ARHGAP44: variants seen among roughly 807,000 people sequenced by gnomAD.
ARHGAP44 encodes Rho GTPase activating protein 44.
Under a neutral mutation model 106.8 loss-of-function variants are expected in ARHGAP44, and 43 were observed. The ratio of observed to expected loss-of-function variants is 0.40; its 90% CI spans 0.32 to 0.52. The LOEUF is 0.52. ARHGAP44 is among the 20% of genes least tolerant of loss of function. The pLI, the probability that ARHGAP44 is intolerant of heterozygous loss-of-function variation, is 0.48. For missense variants in ARHGAP44, 866 were observed against 1,050.5 expected (o/e 0.82, Z 2.43); for synonymous variants, 439 against 410.3 (o/e 1.07, Z -0.85).
chr17:12,980,184 C>T lies in ARHGAP44; in HGVS notation c.1890C>T (p.Pro630=). Residue 630 remains proline, a synonymous_variant, in exon 19 of 21, where the codon CCC becomes CCT. Coordinates refer to ENST00000379672, the MANE Select transcript of ARHGAP44 (RefSeq NM_014859.6). The stretch of plus-strand genomic sequence containing the variant: ...CTGGAGCTCAGCCGGGCGCCAGCCC[C>T]AGCCCCAGCCAGCCGCCTGCAGACC... ...AQPGAQPGAS[P]SPSQPPADQS... The T allele has an allele frequency of 6.2e-7, 1 of 1,613,488 alleles. No individual in the cohort carries two copies. The highest frequency in any genetic ancestry group is 8.5e-7 in the Non-Finnish European group (1 of 1,179,854).
intron 18 of ARHGAP44, among the ~76,000 whole-genome samples, chr17:12,974,519 C>T (rs1212309496): frequency 6.6e-6 from 1 of 152,084 alleles, no homozygotes; most frequent in East Asian, 1.9e-4. Flanking sequence ...TCTTCCCCAG[C>T]ATAACATCGC....
chr17:12,965,706 C>T (rs2039374298), intron 16 of ARHGAP44, among the ~76,000 whole-genome samples: 1 of 152,188 alleles, frequency 6.6e-6, no homozygotes, highest in Non-Finnish European at 1.5e-5. Flanking sequence ...AAGGCACAGA[C>T]CTCCACAGGG....
At chr17:12,903,140 A>AGAGAGAGG (rs1403029479) in intron 3 of ARHGAP44, among the ~76,000 whole-genome samples, 1 of 57,574 alleles carries the variant, frequency 1.7e-5, no homozygotes, top group Non-Finnish European at 3.3e-5. Context: ...AGAGAGAGAG[A>AGAGAGAGG]GTGTGTGTGT....
At chr17:12,962,836 G>A (rs2039295364) in intron 16 of ARHGAP44, among the ~76,000 whole-genome samples, 1 of 151,994 alleles carries the variant, frequency 6.6e-6, no homozygotes, top group Non-Finnish European at 1.5e-5. Flanking sequence ...ACCTGAGGCC[G>A]AGAGTTCAAG....
chr17:12,973,646 G>T (rs1282405967), intron 17 of ARHGAP44: 3 of 487,922 alleles, frequency 6.1e-6, no homozygotes, highest in Non-Finnish European at 1.1e-5. Flanking sequence ...TCAGTTCCAC[G>T]CTCCCCCCTT....
At chr17:12,988,502 A>G (rs2143483009) in intron 20 of ARHGAP44, 1 of 152,306 alleles carries the variant, frequency 6.6e-6, no homozygotes, top group Non-Finnish European at 1.5e-5. Flanking sequence ...CCTGCTTCAG[A>G]GGAACAAGTG....
intron 1 of ARHGAP44, among the ~76,000 whole-genome samples, chr17:12,861,656 T>TTTTTTTTTTTTTTTTTTTTTG (rs1437118971): frequency 7.9e-5 from 1 of 12,654 alleles, no homozygotes; most frequent in Admixed American, 1.3e-3. Flanking sequence ...TTTTTTTTTT[T>TTTTTTTTTTTTTTTTTTTTTG]TTGAGATGGA....
At chr17:12,982,567 T>A (rs1239507337) in intron 19 of ARHGAP44, 1 of 152,206 alleles carries the variant, frequency 6.6e-6, no homozygotes, top group Non-Finnish European at 1.5e-5. Flanking sequence ...TAGCAGCTGC[T>A]GGAAGCACTT....
intron 7 of ARHGAP44, among the ~76,000 whole-genome samples, chr17:12,934,776 C>T (rs1048768963): frequency 3.9e-5 from 6 of 152,148 alleles, no homozygotes; most frequent in African/African-American, 1.4e-4. Context: ...GAGTGAACCC[C>T]TAAGTAGACT....
chr17:12,912,646 CAA>C (rs993893485), intron 4 of ARHGAP44, among the ~76,000 whole-genome samples: 2 of 152,070 alleles, frequency 1.3e-5, no homozygotes, highest in Admixed American at 6.6e-5. Flanking sequence ...ATACTGGTGA[CAA>C]AGAGTCTACA....
intron 4 of ARHGAP44, among the ~76,000 whole-genome samples, chr17:12,914,551 T>G (rs2037845666): frequency 6.6e-6 from 1 of 152,028 alleles, no homozygotes; most frequent in South Asian, 2.1e-4. Flanking sequence ...TCCCAGCACT[T>G]TGGGAGGCCG....
Position 12,826,071 on chromosome 17 carries a change from T to A in ARHGAP44, c.53+36180T>A, listed in dbSNP as rs527747406. Among the ~76,000 whole-genome samples, 12 of 152,286 alleles carry A rather than the reference T, an allele frequency of 7.9e-5. No individual in the cohort carries two copies. The East Asian group carries it at 1.4e-3, about 17-fold the overall frequency. ...AATTTTTGACAAGTTTGGGTTTTTTTAAAAAATAATTTTAAACTTTTAAGT... is the reference window on the plus strand; with the variant it reads ...AATTTTTGACAAGTTTGGGTTTTTTAAAAAAATAATTTTAAACTTTTAAGT... On this transcript the variant is annotated intron_variant, in intron 1 of 20. Coordinates refer to ENST00000379672, the MANE Select transcript of ARHGAP44 (RefSeq NM_014859.6).
Position 12,894,943 on chromosome 17 carries a change from T to G in ARHGAP44, c.57T>G (p.Ala19=), listed in dbSNP as rs2037159093. The change falls in exon 2 of 21, where the codon GCT becomes GCG. Residue 19 remains alanine, a synonymous_variant. Transcript: ENST00000379672. ...TGTTTCTCAATGTTCTTTTTAGGGC[T>G]GAAAAGACAGAAGTTTTGAGTGAAG... ...RQLANQTVGR[A]EKTEVLSEDL... 2 of 1,586,806 alleles carry G rather than the reference T, an allele frequency of 1.3e-6. No individual in the cohort carries two copies. The highest frequency in any genetic ancestry group is 1.7e-6 in the Non-Finnish European group (2 of 1,165,626).
At chr17:12,838,697 T>A (rs1032443502) in intron 1 of ARHGAP44, among the ~76,000 whole-genome samples, 2 of 151,946 alleles carry the variant, frequency 1.3e-5, no homozygotes, top group African/African-American at 2.4e-5. Flanking sequence ...TGAGAGGGAG[T>A]TTCACTCTTG....
At chr17:12,846,568 A>G (rs1281401400) in intron 1 of ARHGAP44, among the ~76,000 whole-genome samples, 1 of 152,216 alleles carries the variant, frequency 6.6e-6, no homozygotes, top group East Asian at 1.9e-4. Context: ...TCCCCTATGG[A>G]AAAACATTTT....
chr17:12,866,288 G>A (rs2036237622), intron 1 of ARHGAP44, among the ~76,000 whole-genome samples: 1 of 152,202 alleles, frequency 6.6e-6, no homozygotes, highest in Non-Finnish European at 1.5e-5. Flanking sequence ...CTGATCCTCA[G>A]AAGGCAACTT....
chr17:12,833,528 C>T (rs759170767), intron 1 of ARHGAP44, among the ~76,000 whole-genome samples: 3 of 152,184 alleles, frequency 2.0e-5, no homozygotes, highest in Non-Finnish European at 4.4e-5. Context: ...CCTGGTCCTG[C>T]TCTTCCTCTT....
intron 16 of ARHGAP44, among the ~76,000 whole-genome samples, chr17:12,965,832 C>G (rs1342651399): frequency 2.0e-5 from 3 of 152,022 alleles, no homozygotes; most frequent in Non-Finnish European, 4.4e-5. Context: ...CTCTGTAGAT[C>G]CTGTGGTGGA....
At chr17:12,880,272 C>T (rs77776484) in intron 1 of ARHGAP44, among the ~76,000 whole-genome samples, 2,543 of 152,116 alleles carry the variant, frequency 0.017, 81 homozygotes, top group African/African-American at 0.058. Flanking sequence ...TGAACCTATA[C>T]GCAAATTTAG....
Sources: allele counts gnomAD v4.1 joint callset (sites outside exome capture counted in the v4.1 genomes callset), GRCh38; gene constraint gnomAD v4.1.1; transcripts MANE v1.5; gene names NCBI Gene and HGNC (gene_info 2026-07-23, HGNC 2026-07-21).